Variants in RBFOX1 observed in about 807,000 individuals in gnomAD.
RBFOX1 encodes the protein RNA binding fox-1 homolog 1.
A neutral mutation model predicts 57.7 loss-of-function variants in RBFOX1; 8 were observed. That is an observed-to-expected ratio of 0.14 (90% CI 0.08 to 0.25). The LOEUF (loss-of-function observed/expected upper bound fraction) is 0.25, where lower values mean the gene tolerates loss of function less well. Ranked by LOEUF, RBFOX1 falls within the 10% of genes least tolerant of loss-of-function variation. RBFOX1 has a pLI of 1.00. For synonymous variants in RBFOX1, 326 were observed against 222.4 expected (o/e 1.47, Z -4.15); for missense variants, 611 against 548.5 (o/e 1.11, Z -1.14).
At chr16:5,570,875 C>T (rs1452534929) in intron 2 of RBFOX1, among the ~76,000 whole-genome samples, 1 of 151,554 alleles carries the variant, frequency 6.6e-6, no homozygotes, top group African/African-American at 2.4e-5. Context: ...ATAGATTACA[C>T]TTATTAAGTT....
intron 2 of RBFOX1, chr16:5,467,385 A>C: frequency 1.2e-6 from 1 of 809,762 alleles, no homozygotes; most frequent in South Asian, 1.9e-5. Flanking sequence ...ACCACAGCAC[A>C]GTTCATCCCT....
chr16:6,797,490 A>G (rs2084355172), intron 3 of RBFOX1, among the ~76,000 whole-genome samples: 1 of 152,174 alleles, frequency 6.6e-6, no homozygotes, highest in South Asian at 2.1e-4. Flanking sequence ...CCCCAGTACA[A>G]GCCTAATGTT....
At chr16:6,205,024 G>A (rs984469050) in intron 1 of RBFOX1, among the ~76,000 whole-genome samples, 1 of 152,088 alleles carries the variant, frequency 6.6e-6, no homozygotes, top group South Asian at 2.1e-4. Context: ...TAAACCGATT[G>A]ACTGAGACAG....
At chr16:7,602,681 C>G (rs548372214) in intron 9 of RBFOX1, among the ~76,000 whole-genome samples, 1 of 152,236 alleles carries the variant, frequency 6.6e-6, no homozygotes, top group Admixed American at 6.5e-5. Flanking sequence ...CCCGCATGAG[C>G]TCTGTAAGTC....
At chr16:6,600,803 A>G (rs554889656) in intron 2 of RBFOX1, among the ~76,000 whole-genome samples, 3 of 152,128 alleles carry the variant, frequency 2.0e-5, no homozygotes, top group African/African-American at 4.8e-5. Flanking sequence ...GACATAGTCA[A>G]TGTAAGAAAA....
At chr16:6,641,814 T>C (rs2098492751) in intron 2 of RBFOX1, among the ~76,000 whole-genome samples, 1 of 149,950 alleles carries the variant, frequency 6.7e-6, no homozygotes, top group African/African-American at 2.5e-5. Flanking sequence ...CCTGGCCTTG[T>C]TGCTCTGGGA....
intron 1 of RBFOX1, among the ~76,000 whole-genome samples, chr16:5,371,420 C>A (rs982086562): frequency 6.6e-6 from 1 of 152,190 alleles, no homozygotes; most frequent in Non-Finnish European, 1.5e-5. Flanking sequence ...CCTGCAAGTC[C>A]AGGAGAGGCC....
chr16:6,323,355 T>C (rs889703936), intron 2 of RBFOX1, among the ~76,000 whole-genome samples: 7 of 152,180 alleles, frequency 4.6e-5, no homozygotes, highest in Admixed American at 6.6e-5. Context: ...TGCTCCCTGA[T>C]GACCAGTTTT....
intron 1 of RBFOX1, among the ~76,000 whole-genome samples, chr16:6,142,012 T>A (rs1250806365): frequency 1.3e-5 from 2 of 150,806 alleles, no homozygotes; most frequent in Non-Finnish European, 3.0e-5. Context: ...TGAGCTGAGA[T>A]CATGCCACTG....
At chr16:7,052,222 G>GA (rs2050325173) in intron 4 of RBFOX1, 124 bp downstream of exon 4, 1 of 1,390,056 alleles carries the variant, frequency 7.2e-7, no homozygotes, top group East Asian at 2.5e-5. Flanking sequence ...TGGTAGAGTT[G>GA]AAAATATTTA....
intron 3 of RBFOX1, among the ~76,000 whole-genome samples, chr16:6,688,712 A>G (rs1024442407): frequency 6.6e-6 from 1 of 152,158 alleles, no homozygotes; most frequent in African/African-American, 2.4e-5. Context: ...ATAGGTATAC[A>G]CATGCCATGG....
chr16:5,818,855 C>G (rs1360039721), intron 3 of RBFOX1, among the ~76,000 whole-genome samples: 1 of 152,184 alleles, frequency 6.6e-6, no homozygotes, highest in Non-Finnish European at 1.5e-5. Context: ...AGAGAGGACT[C>G]CTTTTATGTC....
intron 1 of RBFOX1, among the ~76,000 whole-genome samples, chr16:6,251,870 G>C (rs2097616268): frequency 6.6e-6 from 1 of 152,046 alleles, no homozygotes; most frequent in Non-Finnish European, 1.5e-5. Context: ...TTCCTCCTCT[G>C]TCCAGGATTC....
chr16:7,479,901 AT>A (rs890289226), intron 4 of RBFOX1, among the ~76,000 whole-genome samples: 8 of 152,164 alleles, frequency 5.3e-5, no homozygotes, highest in African/African-American at 1.9e-4. Context: ...TTTATCGGAG[AT>A]TTCCCCCTTC....
chr16:7,190,606 G>T (rs989620154), intron 4 of RBFOX1, among the ~76,000 whole-genome samples: 2 of 152,040 alleles, frequency 1.3e-5, no homozygotes, highest in Non-Finnish European at 2.9e-5. Flanking sequence ...TAGTACTGAG[G>T]TATAGAGGGT....
rs189356697 is a variant in RBFOX1, at chr16:5,490,051, A to G, written c.258+22797A>G. Among the ~76,000 whole-genome samples, 1,227 of 152,340 alleles carry G rather than the reference A, an allele frequency of 8.1e-3. 27 individuals carry two copies. The highest frequency in any genetic ancestry group is 0.028 in the African/African-American group (1,181 of 41,570). ...GGCCACTGTTAGAGGCCTGTGAGCCACAGCCACTGACCTGGTCTGAACCTG... is the reference window on the plus strand; with the variant it reads ...GGCCACTGTTAGAGGCCTGTGAGCCGCAGCCACTGACCTGGTCTGAACCTG... On this transcript the variant is annotated intron_variant, in intron 2 of 2. Coordinates refer to the RBFOX1 transcript ENST00000585867.
At chr16:7,149,463 C>G (rs1391224228) in intron 4 of RBFOX1, among the ~76,000 whole-genome samples, 2 of 146,740 alleles carry the variant, frequency 1.4e-5, no homozygotes, top group East Asian at 2.0e-4. Flanking sequence ...GTGGCTCTTT[C>G]TTTTTCTTTT....
intron 3 of RBFOX1, among the ~76,000 whole-genome samples, chr16:6,914,462 A>G (rs192618850): frequency 1.3e-5 from 2 of 152,222 alleles, no homozygotes; most frequent in Non-Finnish European, 2.9e-5. Context: ...ATTAATAAGA[A>G]CACAGACCTA....
chr16:6,178,482 T>G (rs1395592684), intron 1 of RBFOX1, among the ~76,000 whole-genome samples: 1 of 152,182 alleles, frequency 6.6e-6, no homozygotes, highest in African/African-American at 2.4e-5. Context: ...GTTTACCTGT[T>G]TCTGCCCATA....
Sources: allele counts gnomAD v4.1 joint callset (sites outside exome capture counted in the v4.1 genomes callset), GRCh38; gene constraint gnomAD v4.1.1; transcripts MANE v1.5; gene names NCBI Gene and HGNC (gene_info 2026-07-23, HGNC 2026-07-21).